The following TRAPPC9 variants were observed in gnomAD, a reference collection of about 807,000 sequenced individuals.
The protein encoded by TRAPPC9 is IKK2 binding protein.
In TRAPPC9, 83 loss-of-function variants were observed where a neutral mutation model predicts 124.0. The ratio of observed to expected loss-of-function variants is 0.67; its 90% CI spans 0.56 to 0.80. TRAPPC9 has a LOEUF of 0.80. TRAPPC9 is among the 30% of genes least tolerant of loss of function. TRAPPC9 has a pLI of 0.00. For synonymous variants in TRAPPC9, 638 were observed against 617.5 expected, an observed-to-expected ratio of 1.03 and a Z score of -0.49; for missense variants, 1,302 against 1,508.3, an observed-to-expected ratio of 0.86 and a Z score of 2.27.
At chr8:139,905,233 G>C (rs985040518) in intron 20 of TRAPPC9, among the ~76,000 whole-genome samples, 1 of 152,048 alleles carries the variant, frequency 6.6e-6, no homozygotes, top group Non-Finnish European at 1.5e-5. Flanking sequence ...AAGCAGGAGA[G>C]GTCTGGGTCG....
chr8:139,800,407 C>A (rs561487384), intron 21 of TRAPPC9, among the ~76,000 whole-genome samples: 1 of 152,354 alleles, frequency 6.6e-6, no homozygotes, highest in South Asian at 2.1e-4. Flanking sequence ...ACACACGTGT[C>A]CACACTGAGG....
chr8:140,363,786 C>A (rs879691039), intron 8 of TRAPPC9, among the ~76,000 whole-genome samples: 1 of 151,948 alleles, frequency 6.6e-6, no homozygotes, highest in South Asian at 2.1e-4. Context: ...TTAGTAGAGA[C>A]GGGGTTTCAC....
chr8:140,220,796 C>A (rs1463340002), intron 17 of TRAPPC9, among the ~76,000 whole-genome samples: 1 of 152,200 alleles, frequency 6.6e-6, no homozygotes. Flanking sequence ...AAAGGCTGGT[C>A]CTGAACACAA....
chr8:140,327,612 A>G (rs184535948), intron 9 of TRAPPC9, among the ~76,000 whole-genome samples: 1 of 152,364 alleles, frequency 6.6e-6, no homozygotes, highest in East Asian at 1.9e-4. Context: ...AAATGCTATC[A>G]TACAGATAAA....
At chr8:140,379,102 CT>C (rs5895641) in intron 7 of TRAPPC9, among the ~76,000 whole-genome samples, 5,019 of 145,106 alleles carry the variant, frequency 0.035, 214 homozygotes, top group African/African-American at 0.099. Flanking sequence ...TATTAACAGA[CT>C]TTTTTTTTTT....
At chr8:139,909,352 C>G (rs543416185) in intron 20 of TRAPPC9, among the ~76,000 whole-genome samples, 1 of 152,324 alleles carries the variant, frequency 6.6e-6, no homozygotes, top group South Asian at 2.1e-4. Flanking sequence ...CTCTATGAAG[C>G]CTTCCTTGAA....
intron 5 of TRAPPC9, among the ~76,000 whole-genome samples, chr8:140,424,193 CATA>C (rs770922071): frequency 1.3e-5 from 2 of 151,912 alleles, no homozygotes; most frequent in Non-Finnish European, 2.9e-5. Flanking sequence ...GTGTCTCTCA[CATA>C]ATAAGTGCAA....
intron 19 of TRAPPC9, among the ~76,000 whole-genome samples, chr8:139,951,274 G>C (rs982478912): frequency 6.6e-6 from 1 of 152,244 alleles, no homozygotes; most frequent in Non-Finnish European, 1.5e-5. Context: ...GGGTGTCCCA[G>C]TGGTTAGCAC....
intron 17 of TRAPPC9, among the ~76,000 whole-genome samples, chr8:140,120,608 A>ACATC (rs948920734): frequency 1.4e-5 from 2 of 140,890 alleles, no homozygotes; most frequent in Non-Finnish European, 3.1e-5. Context: ...CCATCATCCA[A>ACATC]CATCCATCCA....
In TRAPPC9 at chr8:139,754,148, C is replaced by G. The variant is rs534581159; in HGVS notation, c.3056-21946G>C. Among the ~76,000 whole-genome samples, 5 of 152,318 alleles carry G rather than the reference C, an allele frequency of 3.3e-5. No homozygotes were observed. The South Asian group carries it at 1.0e-3, about 32-fold the overall frequency. ...TTAGATTGAAACAGCCAAGGCCCCC[C>G]CAGCCTGCTGCTGCTCCATGCTCTG... On this transcript the variant is annotated intron_variant, in intron 21 of 22. Transcript: ENST00000438773.
intron 1 of TRAPPC9, among the ~76,000 whole-genome samples, chr8:140,454,150 G>A (rs2132725347): frequency 6.6e-6 from 1 of 152,012 alleles, no homozygotes; most frequent in African/African-American, 2.4e-5. Context: ...TTAGCCAGGA[G>A]TGGTAGCACA....
chr8:139,997,778 T>C lies in TRAPPC9; in HGVS notation c.2700-8942A>G, dbSNP rs1230375977. Among the ~76,000 whole-genome samples the C allele has an allele frequency of 7.3e-4, 86 of 117,370 alleles. 6 individuals are homozygous for C. Among genetic ancestry groups the C allele is most frequent in the African/African-American group, 2.7e-3 (83 of 30,640 alleles). 77.0% of individuals were successfully genotyped at this position (117,370 alleles called of 152,430 possible). On this transcript the variant is annotated intron_variant, in intron 18 of 22. Coordinates refer to ENST00000438773, the MANE Select transcript of TRAPPC9 (RefSeq NM_001160372.4). ...AGTGCATCCTACACAGGGGAGACAG[T>C]GCATCCTACACAGGGAGACAATGCA...
At chr8:140,427,355 T>C (rs939654458) in intron 4 of TRAPPC9, among the ~76,000 whole-genome samples, 23 of 146,936 alleles carry the variant, frequency 1.6e-4, no homozygotes, top group Non-Finnish European at 3.0e-4. Flanking sequence ...CTAAAATACA[T>C]CTCTCTATAT....
chr8:140,256,191 A>G (rs1451271239), intron 15 of TRAPPC9, among the ~76,000 whole-genome samples: 1 of 152,160 alleles, frequency 6.6e-6, no homozygotes, highest in Non-Finnish European at 1.5e-5. Flanking sequence ...AACACACAAC[A>G]TTTGGCCCTT....
At chr8:140,244,949 G>A (rs2063945248) in intron 16 of TRAPPC9, among the ~76,000 whole-genome samples, 1 of 151,600 alleles carries the variant, frequency 6.6e-6, no homozygotes, top group Non-Finnish European at 1.5e-5. Flanking sequence ...TGGGATTAAG[G>A]TGCACGCCAC....
intron 19 of TRAPPC9, among the ~76,000 whole-genome samples, chr8:139,968,132 G>A (rs1283844305): frequency 6.7e-6 from 1 of 149,046 alleles, no homozygotes. Context: ...CTGGGCGACA[G>A]AGCAAGACTC....
intron 21 of TRAPPC9, among the ~76,000 whole-genome samples, chr8:139,837,020 C>T (rs373312783): frequency 7.8e-5 from 11 of 141,414 alleles, no homozygotes; most frequent in African/African-American, 3.0e-4. Context: ...GCTTGTGAGA[C>T]CTGGAACAAG....
At chr8:140,120,591 C>T (rs1346137400) in intron 17 of TRAPPC9, among the ~76,000 whole-genome samples, 1 of 151,258 alleles carries the variant, frequency 6.6e-6, no homozygotes, top group Non-Finnish European at 1.5e-5. Context: ...TCCATTCATC[C>T]ATCCATCCAT....
At chr8:139,861,369 G>A (rs534668530) in intron 21 of TRAPPC9, among the ~76,000 whole-genome samples, 2 of 152,168 alleles carry the variant, frequency 1.3e-5, no homozygotes, top group Non-Finnish European at 2.9e-5. Flanking sequence ...GAGTGGTGGG[G>A]TGAGTAGTCT....
Sources: gnomAD v4.1 joint callset for allele counts (sites outside exome capture counted in the v4.1 genomes callset) on GRCh38, gnomAD v4.1.1 for gene constraint, MANE v1.5 for transcripts, NCBI Gene and HGNC (gene_info 2026-07-23, HGNC 2026-07-21) for gene names.